ITCH: variants seen among roughly 807,000 people sequenced by gnomAD.
ITCH encodes the protein itchy E3 ubiquitin protein ligase.
In ITCH, 28 loss-of-function variants were observed where a neutral mutation model predicts 126.8. The ratio of observed to expected loss-of-function variants is 0.22; its 90% confidence interval spans 0.16 to 0.30. The LOEUF (loss-of-function observed/expected upper bound fraction) is 0.30, where lower values mean the gene tolerates loss of function less well. Ranked by LOEUF, ITCH falls within the 10% of genes least tolerant of loss-of-function variation. The pLI, the probability that ITCH is intolerant of heterozygous loss-of-function variation, is 1.00. For synonymous variants in ITCH, 342 were observed against 340.0 expected (o/e 1.01, Z -0.06); for missense variants, 631 against 1,032.4 (o/e 0.61, Z 5.33).
At chr20:34,474,876 G>A (rs577277387) in intron 16 of ITCH, among the ~76,000 whole-genome samples, 17 of 151,562 alleles carry the variant, frequency 1.1e-4, no homozygotes, top group Non-Finnish European at 2.1e-4. Context: ...GCTGCCGGGC[G>A]GAGGGGCTCC....
intron 1 of ITCH, among the ~76,000 whole-genome samples, chr20:34,365,211 A>T (rs1446802851): frequency 6.6e-6 from 1 of 152,072 alleles, no homozygotes; most frequent in Non-Finnish European, 1.5e-5. Flanking sequence ...AAAAAATAAA[A>T]AAAAAAATTT....
At chr20:34,503,850 T>TG (rs1176412672) in intron 23 of ITCH, among the ~76,000 whole-genome samples, 5 of 147,342 alleles carry the variant, frequency 3.4e-5, no homozygotes, top group East Asian at 3.9e-4. Context: ...TTGGGTTTTT[T>TG]GGGTTTTTTT....
At chr20:34,426,507 G>A (rs1383854904) in intron 7 of ITCH, among the ~76,000 whole-genome samples, 6 of 149,202 alleles carry the variant, frequency 4.0e-5, no homozygotes, top group Non-Finnish European at 7.4e-5. Context: ...GTGCAGTGGC[G>A]CGATCTCAGC....
chr20:34,418,757 C>CTTTTTTTTTTTTTTTTTTTTTTCT (rs373974620), intron 6 of ITCH, among the ~76,000 whole-genome samples: 2 of 116,534 alleles, frequency 1.7e-5, no homozygotes, highest in African/African-American at 3.3e-5. Context: ...TCTTTTTTTC[C>CTTTTTTTTTTTTTTTTTTTTTTCT]TTTTTTTTTT....
At chr20:34,402,990 A>G (rs1054031887) in intron 3 of ITCH, among the ~76,000 whole-genome samples, 7 of 152,178 alleles carry the variant, frequency 4.6e-5, no homozygotes, top group Non-Finnish European at 8.8e-5. Context: ...TTCAGGGACC[A>G]AAAAGATCCC....
intron 2 of ITCH, among the ~76,000 whole-genome samples, chr20:34,374,755 CAG>C (rs990050240): frequency 6.9e-6 from 1 of 145,070 alleles, no homozygotes; most frequent in South Asian, 2.2e-4. Flanking sequence ...TTTTTTGAGA[CAG>C]AGTTTCACTT....
chr20:34,481,330 T>C (rs995560237), intron 20 of ITCH, 124 bp downstream of exon 20: 6 of 1,047,374 alleles, frequency 5.7e-6, no homozygotes, highest in Admixed American at 2.4e-5. Context: ...CAATATCCTA[T>C]GTAGGCAGTC....
Position 34,493,600 on chromosome 20 carries a change from G to T in ITCH, c.2416+1003G>T, listed in dbSNP as rs190314040. ...ATAGAAAATGAAGTATAAGAGAGGG[G>T]TATCAGCAATAATTGTCATGTTATG... On this transcript the variant is annotated intron_variant, in intron 23 of 24. Coordinates refer to ENST00000374864, the MANE Select transcript of ITCH (RefSeq NM_031483.7). Among the ~76,000 whole-genome samples, 190 of 152,216 alleles carry T rather than the reference G, an allele frequency of 1.2e-3. 1 individual carries two copies. The highest frequency in any genetic ancestry group is 4.5e-3 in the African/African-American group (186 of 41,532).
rs151172796 is a variant in ITCH, at chr20:34,497,875, G to A, written c.2416+5278G>A. 2.9e-3 allele frequency among the ~76,000 whole-genome samples: 438 copies of A among 152,370 alleles called. 2 individuals carry two copies. The highest frequency in any genetic ancestry group is 0.01 in the African/African-American group (425 of 41,584). ...TTACAGGCATGAGCCACTACACCCA[G>A]CCGTCATTGGTATTTCTGTAGGGAT... On this transcript the variant is annotated intron_variant, in intron 23 of 24. Transcript: ENST00000374864.
chr20:34,400,408 C>T (rs1048537451), intron 3 of ITCH, among the ~76,000 whole-genome samples: 2 of 152,012 alleles, frequency 1.3e-5, no homozygotes, highest in African/African-American at 4.8e-5. Flanking sequence ...AGAAAAGGAC[C>T]CTTTGAGGAG....
chr20:34,490,504 A>G (rs1206655243), intron 22 of ITCH, among the ~76,000 whole-genome samples: 1 of 152,070 alleles, frequency 6.6e-6, no homozygotes, highest in Non-Finnish European at 1.5e-5. Context: ...TTAGCCGGGC[A>G]TGGTGGCACA....
At chr20:34,441,400 C>T (rs1293464856) in intron 9 of ITCH, among the ~76,000 whole-genome samples, 1 of 152,010 alleles carries the variant, frequency 6.6e-6, no homozygotes, top group Non-Finnish European at 1.5e-5. Flanking sequence ...TTTTAAGATA[C>T]TCAGGTGTAA....
intron 7 of ITCH, among the ~76,000 whole-genome samples, chr20:34,437,416 C>T (rs1465120289): frequency 3.3e-5 from 5 of 152,272 alleles, no homozygotes; most frequent in African/African-American, 9.6e-5. Context: ...AACAATCCTC[C>T]CACCTCAGCC....
intron 23 of ITCH, among the ~76,000 whole-genome samples, chr20:34,499,194 T>A (rs1990081484): frequency 6.7e-6 from 1 of 149,876 alleles, no homozygotes; most frequent in South Asian, 2.1e-4. Context: ...CAGGATGGTC[T>A]CGATGTCCTG....
intron 12 of ITCH, chr20:34,451,107 G>T (rs1289153428): frequency 2.6e-5 from 4 of 152,074 alleles, no homozygotes; most frequent in African/African-American, 9.7e-5. Flanking sequence ...GACCAACATG[G>T]TGAAACCCTG....
At chr20:34,471,266 CTG>C (rs1449411512) in intron 15 of ITCH, among the ~76,000 whole-genome samples, 176 bp from the exon 16 acceptor site, 3 of 152,086 alleles carry the variant, frequency 2.0e-5, no homozygotes, top group Non-Finnish European at 4.4e-5. Flanking sequence ...ATATATTAAT[CTG>C]TAATTAGCAT....
rs554961968 is a variant in ITCH, at chr20:34,511,155, A to T, written c.*3361A>T. 7 of 151,412 alleles carry T rather than the reference A, an allele frequency of 4.6e-5. No individual in the cohort carries two copies. The highest frequency in any genetic ancestry group is 7.4e-5 in the Non-Finnish European group (5 of 67,846). 9.4% of individuals were successfully genotyped at this position (151,412 alleles called of 1,614,324 possible). A position where few individuals can be genotyped will look rare whatever the true frequency, so the allele number is the denominator to read the frequency against. ...TCCTTTTTTTGTTTTTCTTTTAGTT[A>T]TTTACTTTGTTTGTATAATTTGCTT... On this transcript the variant is annotated 3_prime_UTR_variant, in exon 25 of 25. Coordinates refer to ENST00000374864, the MANE Select transcript of ITCH (RefSeq NM_031483.7).
chr20:34,448,486 A>C (rs1439373521), intron 11 of ITCH, among the ~76,000 whole-genome samples: 1 of 152,186 alleles, frequency 6.6e-6, no homozygotes, highest in Non-Finnish European at 1.5e-5. Context: ...TCGCTTCAAC[A>C]AAGAACAGGA....
At chr20:34,484,890 T>C (rs1989000533) in intron 20 of ITCH, among the ~76,000 whole-genome samples, 1 of 152,196 alleles carries the variant, frequency 6.6e-6, no homozygotes, top group South Asian at 2.1e-4. Context: ...ATGACCCAAA[T>C]TGTGGAACTT....
Sources: allele counts gnomAD v4.1 joint callset (sites outside exome capture counted in the v4.1 genomes callset), GRCh38; gene constraint gnomAD v4.1.1; transcripts MANE v1.5; gene names NCBI Gene and HGNC (gene_info 2026-07-23, HGNC 2026-07-21).